Variants in ARHGAP44 observed in about 807,000 individuals in gnomAD.
ARHGAP44 encodes rho GTPase-activating protein 44.
A neutral mutation model predicts 106.8 loss-of-function variants in ARHGAP44; 43 were observed. That is an observed-to-expected ratio of 0.40 (90% CI 0.32 to 0.52). ARHGAP44 has a LOEUF of 0.52. ARHGAP44 is among the 20% of genes least tolerant of loss of function. The probability of loss-of-function intolerance (pLI) is 0.48; values close to 1 mark genes in which losing one functional copy is unlikely to be tolerated. For missense variants in ARHGAP44, 866 were observed against 1,050.5 expected (o/e 0.82, Z 2.43); for synonymous variants, 439 against 410.3 (o/e 1.07, Z -0.85).
chr17:12,942,442 G>A (rs1323415066), intron 8 of ARHGAP44, among the ~76,000 whole-genome samples: 1 of 152,134 alleles, frequency 6.6e-6, no homozygotes, highest in African/African-American at 2.4e-5. Context: ...CACCGTCCCT[G>A]GTGGAAAGTT....
In ARHGAP44 at chr17:12,984,633, C is replaced by A; in HGVS notation, c.2042C>A (p.Pro681His). Residue 681 changes from proline to histidine, a missense_variant, in exon 20 of 21, where the codon CCC becomes CAC. Pro to His is a moderately conservative substitution (Grantham distance 77). Around this residue, in one of 2 missense-constraint regions of ARHGAP44, gnomAD observed 418 missense variants for 403.6 expected, o/e 1.04. Transcript: ENST00000379672. ...CAGCCGTCCCCAGTCAGCCTGTCCC[C>A]CACCCCGCCCAGCACCCCGTCACCC... Reference protein sequence around the residue: ...AGQPSPVSLSPTPPSTPSPYG... With the variant: ...AGQPSPVSLSHTPPSTPSPYG... 2 of 1,612,300 alleles carry A rather than the reference C, an allele frequency of 1.2e-6. No individual in the cohort carries two copies. The highest frequency in any genetic ancestry group is 1.7e-6 in the Non-Finnish European group (2 of 1,179,456).
chr17:12,846,718 A>G (rs942792309), intron 1 of ARHGAP44, among the ~76,000 whole-genome samples: 4 of 152,268 alleles, frequency 2.6e-5, no homozygotes, highest in African/African-American at 7.2e-5. Flanking sequence ...GCTGTCATTC[A>G]TGACGTAAAT....
intron 1 of ARHGAP44, among the ~76,000 whole-genome samples, chr17:12,813,017 G>A (rs1421738456): frequency 6.6e-6 from 1 of 152,164 alleles, no homozygotes; most frequent in Non-Finnish European, 1.5e-5. Flanking sequence ...TGGAGTAATT[G>A]GACCTTGGTT....
intron 1 of ARHGAP44, among the ~76,000 whole-genome samples, chr17:12,805,671 G>A (rs768133097): frequency 2.3e-4 from 35 of 152,212 alleles, no homozygotes; most frequent in Non-Finnish European, 4.1e-4. Context: ...ATGGTCCTTC[G>A]TTAAACAGAT....
rs2038758897 is a variant in ARHGAP44, at chr17:12,943,464, G to A, written c.652-124G>A. On this transcript the variant is annotated intron_variant, in intron 8 of 20. Coordinates refer to ENST00000379672, the MANE Select transcript of ARHGAP44 (RefSeq NM_014859.6). Reference sequence around the variant, plus strand: ...TGCTCGTTATTTTAGGTAGATTGGAGGAGGGAATGGGTGACTACCTCCTTC... The same window carrying A: ...TGCTCGTTATTTTAGGTAGATTGGAAGAGGGAATGGGTGACTACCTCCTTC... 1.7e-5 allele frequency: 13 copies of A among 764,908 alleles called. No homozygotes were observed. The East Asian group carries it at 3.0e-4, about 18-fold the overall frequency. The allele number at this position is 764,908 out of a possible 1,614,324, so 47.4% of individuals were successfully genotyped here.
At position 12,801,896 on chromosome 17, in the gene ARHGAP44, A is replaced by AG. The variant is rs199990426; in HGVS notation, c.53+12005_53+12006insG. Among the ~76,000 whole-genome samples, 1,394 of 151,282 alleles carry AG rather than the reference A, an allele frequency of 9.2e-3. 24 individuals are homozygous for AG. Among genetic ancestry groups the AG allele is most frequent in the African/African-American group, 0.023 (966 of 41,292 alleles). ...CGTGTATTTTATTGAAGAGAGAGAG[A>AG]AAAAAAAAGCTTCCAGGGCTCAAAG... On this transcript the variant is annotated intron_variant, in intron 1 of 20. Transcript: ENST00000379672.
chr17:12,919,432 C>T (rs572464062), intron 5 of ARHGAP44, among the ~76,000 whole-genome samples: 1 of 142,718 alleles, frequency 7.0e-6, no homozygotes, highest in South Asian at 2.2e-4. Flanking sequence ...GTCACACAGG[C>T]TGGAGTGGAG....
intron 1 of ARHGAP44, among the ~76,000 whole-genome samples, chr17:12,828,519 T>C (rs1014128599): frequency 2.6e-5 from 4 of 152,072 alleles, no homozygotes; most frequent in African/African-American, 9.7e-5. Context: ...ATTGATAGGC[T>C]GTTACATTGA....
intron 1 of ARHGAP44, among the ~76,000 whole-genome samples, chr17:12,831,770 AG>A (rs1202717515): frequency 6.6e-6 from 1 of 152,188 alleles, no homozygotes; most frequent in Non-Finnish European, 1.5e-5. Flanking sequence ...TTTTTACTAA[AG>A]AGTGTAAGAA....
chr17:12,845,191 A>G (rs1290054203), intron 1 of ARHGAP44, among the ~76,000 whole-genome samples: 1 of 147,718 alleles, frequency 6.8e-6, no homozygotes, highest in Non-Finnish European at 1.5e-5. Context: ...ACTTTATGAC[A>G]TTCTGTGTGT....
Position 12,830,298 on chromosome 17 carries a change from G to A in ARHGAP44, c.53+40407G>A, listed in dbSNP as rs76607766. ...TTTTGGGTACTTTTGGATAATTTTT[G>A]GATAATTGCTCTTTGGGGCTAGTTG... On this transcript the variant is annotated intron_variant, in intron 1 of 20. Transcript: ENST00000379672. 5.9e-3 allele frequency among the ~76,000 whole-genome samples: 905 copies of A among 152,128 alleles called. 7 individuals are homozygous for A. Among genetic ancestry groups the A allele is most frequent in the African/African-American group, 0.021 (865 of 41,492 alleles).
At chr17:12,916,469 C>T (rs528178332) in intron 5 of ARHGAP44, among the ~76,000 whole-genome samples, 3 of 152,184 alleles carry the variant, frequency 2.0e-5, no homozygotes, top group Admixed American at 6.5e-5. Flanking sequence ...CTGCAACCTC[C>T]GCCTCCCAGG....
chr17:12,989,616 C>T (rs2040059544), intron 20 of ARHGAP44, among the ~76,000 whole-genome samples: 1 of 152,104 alleles, frequency 6.6e-6, no homozygotes, highest in Non-Finnish European at 1.5e-5. Context: ...CTCTCACAGG[C>T]TTGAGAGGAG....
At chr17:12,904,829 A>G (rs2037497765) in intron 3 of ARHGAP44, among the ~76,000 whole-genome samples, 1 of 152,136 alleles carries the variant, frequency 6.6e-6, no homozygotes, top group South Asian at 2.1e-4. Context: ...TGGTGAGGGG[A>G]ATGAAGTGGT....
At chr17:12,920,779 G>A (rs541630484) in intron 6 of ARHGAP44, among the ~76,000 whole-genome samples, 1 of 152,296 alleles carries the variant, frequency 6.6e-6, no homozygotes, top group East Asian at 1.9e-4. Context: ...CTTAACTTGA[G>A]TCCTTTCAGA....
chr17:12,947,545 C>T (rs80332483), intron 10 of ARHGAP44, among the ~76,000 whole-genome samples: 1 of 152,196 alleles, frequency 6.6e-6, no homozygotes, highest in African/African-American at 2.4e-5. Context: ...TCACTGCCAT[C>T]CTTCAACATT....
rs2039186647 is a variant in ARHGAP44 at position 12,958,693 on chromosome 17, G to A, written c.1343-24G>A. ...GGTGTGGCAGACCAAGAGTTCACAT[G>A]TACCAATTCTTTCTTCCCCGCAGAG... On this transcript the variant is annotated intron_variant, in intron 15 of 20. Coordinates refer to ENST00000379672, the MANE Select transcript of ARHGAP44 (RefSeq NM_014859.6). This position sits in a 1 kb window ranked among gnomAD's most constrained non-coding sequence, Gnocchi z 4.1. 3.1e-6 allele frequency: 5 copies of A among 1,611,064 alleles called. No homozygotes were observed. The highest frequency in any genetic ancestry group is 4.2e-6 in the Non-Finnish European group (5 of 1,177,836).
intron 3 of ARHGAP44, among the ~76,000 whole-genome samples, chr17:12,899,960 C>A (rs2037326715): frequency 6.6e-6 from 1 of 152,124 alleles, no homozygotes; most frequent in Non-Finnish European, 1.5e-5. Context: ...AAAGCTGTGG[C>A]TGCCAGCCAG....
At chr17:12,791,516 G>A (rs1446448017) in intron 1 of ARHGAP44, among the ~76,000 whole-genome samples, 2 of 152,162 alleles carry the variant, frequency 1.3e-5, no homozygotes, top group African/African-American at 4.8e-5. Flanking sequence ...TGGTCTTGGG[G>A]TTTCAGTGCC....
Sources: allele counts gnomAD v4.1 joint callset (sites outside exome capture counted in the v4.1 genomes callset), GRCh38; gene constraint gnomAD v4.1.1; regional missense constraint gnomAD v4.1.1; non-coding constraint Gnocchi (gnomAD v3.1); transcripts MANE v1.5; gene names NCBI Gene and HGNC (gene_info 2026-07-23, HGNC 2026-07-21).